ITIH6: variants seen among roughly 807,000 people sequenced by gnomAD.
ITIH6 encodes inter-alpha-trypsin inhibitor heavy chain family member 6.
Under a neutral mutation model 58.2 loss-of-function variants are expected in ITIH6, and 60 were observed. That is an observed-to-expected ratio of 1.03 (90% confidence interval 0.84 to 1.28). The LOEUF (loss-of-function observed/expected upper bound fraction) is 1.28, where lower values mean the gene tolerates loss of function less well. Ranked by LOEUF, ITIH6 falls within the 50% of genes most tolerant of loss-of-function variation. ITIH6 has a pLI of 0.00. For synonymous variants in ITIH6, 493 were observed against 417.4 expected (o/e 1.18, Z -2.21); for missense variants, 1,290 against 1,021.1 (o/e 1.26, Z -3.59).
At chrX:54,765,522 T>G (rs1489617592) in intron 6 of ITIH6, among the ~76,000 whole-genome samples, 3 of 110,277 alleles carry the variant, frequency 2.7e-5, no homozygotes, top group African/African-American at 9.9e-5. Context: ...TAGGGAATCA[T>G]TTCCCCATTG....
intron 5 of ITIH6, among the ~76,000 whole-genome samples, chrX:54,778,711 A>G (rs1929097852): frequency 9.0e-6 from 1 of 111,550 alleles, no homozygotes; most frequent in Admixed American, 9.5e-5. Context: ...TAGGGGTAGA[A>G]AGTTTATTCA....
rs369780798 is a variant in ITIH6 at position 54,757,201 on chromosome X, C to G, written c.2873G>C (p.Gly958Ala). 9 of 1,201,547 alleles carry G rather than the reference C, an allele frequency of 7.5e-6. No homozygotes were observed. In the African/African-American group the frequency reaches 1.2e-4, roughly 16 times the overall value. The change falls in exon 8 of 13, where the codon GGA becomes GCA. Residue 958 changes from glycine (G) to alanine (A), a missense_variant. Gly to Ala is a moderately conservative substitution (Grantham distance 60). Coordinates refer to ENST00000218436, the MANE Select transcript of ITIH6 (RefSeq NM_198510.3). The stretch of plus-strand genomic sequence containing the variant: ...TGTTGGAACTCCTGGCCTAGATGGT[C>G]CCAGAACTTGCCTGGTCCTCTGGGG... The part of the protein sequence containing the change: ...PGPQRTRQVL[G>A]PSRPGVPTMS...
intron 5 of ITIH6, among the ~76,000 whole-genome samples, chrX:54,776,256 G>A (rs1444575029): frequency 9.0e-6 from 1 of 110,976 alleles, no homozygotes; most frequent in African/African-American, 3.3e-5. Context: ...CTAGCTACAC[G>A]TGAATTACCC....
intron 6 of ITIH6, among the ~76,000 whole-genome samples, chrX:54,771,668 T>C (rs1464204639): frequency 9.0e-6 from 1 of 111,671 alleles, no homozygotes; most frequent in Non-Finnish European, 1.9e-5. Flanking sequence ...CATTAAAAAA[T>C]TGGCAAAGGA....
At chrX:54,776,429 AG>A (rs770646880) in intron 5 of ITIH6, among the ~76,000 whole-genome samples, 42 of 110,338 alleles carry the variant, frequency 3.8e-4, no homozygotes, top group Admixed American at 1.3e-3. Flanking sequence ...CAGTGGACTT[AG>A]GGGGCACACA....
intron 6 of ITIH6, among the ~76,000 whole-genome samples, chrX:54,768,918 G>T (rs913684487): frequency 2.7e-5 from 3 of 109,207 alleles, no homozygotes; most frequent in East Asian, 5.7e-4. Flanking sequence ...GAATCTGAAC[G>T]TTGTCCTGCC....
At chrX:54,768,165 T>A (rs1414002656) in intron 6 of ITIH6, among the ~76,000 whole-genome samples, 1 of 51,509 alleles carries the variant, frequency 1.9e-5, no homozygotes, top group Admixed American at 2.7e-4. Context: ...TTGTCTCTTT[T>A]GATCTTTGTT....
intron 7 of ITIH6, 137 bp downstream of exon 7, chrX:54,759,619 C>A: frequency 2.0e-6 from 1 of 492,684 alleles, no homozygotes; most frequent in Non-Finnish European, 3.3e-6. Flanking sequence ...GGACAAAGGA[C>A]CATATTTGTG....
intron 12 of ITIH6, 44 bp from the exon 13 acceptor site, chrX:54,750,150 T>A: frequency 9.6e-7 from 1 of 1,047,010 alleles, no homozygotes; most frequent in Non-Finnish European, 1.3e-6. Context: ...GTGGCCTGAG[T>A]CCCTGCTCAG....
chrX:54,757,196 A>G lies in ITIH6; in HGVS notation c.2878T>C (p.Ser960Pro), dbSNP rs771305679. 3 of 1,204,086 alleles carry G rather than the reference A, an allele frequency of 2.5e-6. No homozygotes were observed. Among genetic ancestry groups the G allele is most frequent in the South Asian group, 1.8e-5 (1 of 55,721 alleles). Reference sequence around the variant, plus strand: ...CTCATTGTTGGAACTCCTGGCCTAGATGGTCCCAGAACTTGCCTGGTCCTC... The same window carrying G: ...CTCATTGTTGGAACTCCTGGCCTAGGTGGTCCCAGAACTTGCCTGGTCCTC... ...PQRTRQVLGPSRPGVPTMSLL... is the reference protein window; with the variant it reads ...PQRTRQVLGPPRPGVPTMSLL... Residue 960 changes from serine (S) to proline (P), a missense_variant, in exon 8 of 13, where the codon TCT becomes CCT. By Grantham distance (74) the Ser-to-Pro change is moderately conservative. Coordinates refer to ENST00000218436, the MANE Select transcript of ITIH6 (RefSeq NM_198510.3).
At chrX:54,797,716 T>C (rs747569012) in intron 1 of ITIH6, among the ~76,000 whole-genome samples, 44 of 111,563 alleles carry the variant, frequency 3.9e-4, no homozygotes, top group Non-Finnish European at 6.8e-4. Flanking sequence ...CTCTCCTTTC[T>C]TGAGGCAATG....
intron 6 of ITIH6, among the ~76,000 whole-genome samples, chrX:54,770,588 A>G (rs1286112585): frequency 8.9e-6 from 1 of 112,193 alleles, no homozygotes; most frequent in Non-Finnish European, 1.9e-5. Context: ...TTCAAATAAC[A>G]CTATACAGCT....
Position 54,753,672 on chromosome X carries a change from GC to G in ITIH6, c.3330del (p.Gln1110HisfsTer3). 1.7e-6 allele frequency: 2 copies of G among 1,208,968 alleles called. No individual in the cohort carries two copies. The highest frequency in any genetic ancestry group is 2.2e-6 in the Non-Finnish European group (2 of 893,248). On this transcript the variant is annotated frameshift_variant, in exon 11 of 13. Transcript: ENST00000218436. LOFTEE classifies it high-confidence loss of function. ...TLNGHPGDLL[Q>X]LIEDPKAGLH... ...TTACCTGCCTTTGGGTCCTCTATGA[GC>G]TGCAGCAAGTCCCCAGGGTGCCCAT...
chrX:54,795,287 C>G (rs1827998151), intron 2 of ITIH6, among the ~76,000 whole-genome samples: 1 of 112,338 alleles, frequency 8.9e-6, no homozygotes, highest in Non-Finnish European at 1.9e-5. Flanking sequence ...TATTCATACT[C>G]TATTTTAGGG....
chrX:54,795,284 A>G (rs1182521351), intron 2 of ITIH6, among the ~76,000 whole-genome samples: 1 of 111,566 alleles, frequency 9.0e-6, no homozygotes, highest in African/African-American at 3.3e-5. Context: ...TAATATTCAT[A>G]CTCTATTTTA....
At chrX:54,751,749 G>A (rs111899810) in intron 11 of ITIH6, among the ~76,000 whole-genome samples, 2,172 of 109,740 alleles carry the variant, frequency 0.02, 46 homozygotes, top group African/African-American at 0.072. Context: ...TTATGTATGC[G>A]CCTCTGGATA....
At chrX:54,787,646 A>G (rs1929266190) in intron 5 of ITIH6, 1 of 111,692 alleles carries the variant, frequency 9.0e-6, no homozygotes, top group Admixed American at 9.5e-5. Flanking sequence ...TTTTTAGTCC[A>G]GGGCAGACAA....
chrX:54,793,139 A>T (rs756912837), intron 2 of ITIH6, among the ~76,000 whole-genome samples: 7 of 110,757 alleles, frequency 6.3e-5, no homozygotes, highest in South Asian at 3.8e-4. Flanking sequence ...CTTTTTTTTT[A>T]AATTTTATTA....
intron 6 of ITIH6, among the ~76,000 whole-genome samples, chrX:54,772,412 T>C (rs1380366716): frequency 8.9e-6 from 1 of 112,235 alleles, no homozygotes; most frequent in African/African-American, 3.2e-5. Flanking sequence ...GCTTATTACC[T>C]GGGTGACAAA....
Sources: gnomAD v4.1 joint callset for allele counts (sites outside exome capture counted in the v4.1 genomes callset) on GRCh38, gnomAD v4.1.1 for gene constraint, MANE v1.5 for transcripts, NCBI Gene and HGNC (gene_info 2026-07-23, HGNC 2026-07-21) for gene names.